ARHGEF26: variants seen among roughly 807,000 people sequenced by gnomAD.
The protein encoded by ARHGEF26 is Rho guanine nucleotide exchange factor 26.
A neutral mutation model predicts 89.4 loss-of-function variants in ARHGEF26; 59 were observed. The ratio of observed to expected loss-of-function variants is 0.66; its 90% CI spans 0.54 to 0.82. The LOEUF (loss-of-function observed/expected upper bound fraction) is 0.82, where lower values mean the gene tolerates loss of function less well. ARHGEF26 is among the 40% of genes least tolerant of loss of function. The pLI, the probability that ARHGEF26 is intolerant of heterozygous loss-of-function variation, is 0.00. For synonymous variants in ARHGEF26, 500 were observed against 428.4 expected (o/e 1.17, Z -2.06); for missense variants, 1,234 against 1,085.6 (o/e 1.14, Z -1.92).
chr3:154,238,727 G>T (rs1717270548), intron 11 of ARHGEF26, among the ~76,000 whole-genome samples: 1 of 152,084 alleles, frequency 6.6e-6, no homozygotes, highest in Non-Finnish European at 1.5e-5. Flanking sequence ...GTTATTTATT[G>T]AGCACTCTCA....
intron 4 of ARHGEF26, among the ~76,000 whole-genome samples, chr3:154,149,015 A>G (rs1398969176): frequency 2.6e-5 from 4 of 152,154 alleles, no homozygotes; most frequent in Non-Finnish European, 1.5e-5. Flanking sequence ...GACTAAAAGC[A>G]TGAGCCCTGG....
intron 5 of ARHGEF26, among the ~76,000 whole-genome samples, chr3:154,150,513 T>G (rs1719957994): frequency 6.6e-6 from 1 of 152,190 alleles, no homozygotes; most frequent in South Asian, 2.1e-4. Context: ...TTTCTGTTTT[T>G]TACACTCAAC....
At chr3:154,123,221 C>A in intron 2 of ARHGEF26, 146 bp downstream of exon 2, 1 of 1,226,836 alleles carries the variant, frequency 8.2e-7, no homozygotes, top group Non-Finnish European at 1.1e-6. Context: ...GTACATCCAG[C>A]TCTTGGCCAC....
intron 10 of ARHGEF26, among the ~76,000 whole-genome samples, chr3:154,222,065 G>C (rs942328981): frequency 1.3e-5 from 2 of 152,078 alleles, no homozygotes; most frequent in South Asian, 4.1e-4. Flanking sequence ...TCACTTTATA[G>C]ATGAAGAACC....
intron 13 of ARHGEF26, among the ~76,000 whole-genome samples, chr3:154,253,976 T>C (rs355750): frequency 0.7 from 106,625 of 152,128 alleles, 37,864 homozygotes; most frequent in South Asian, 0.77. Flanking sequence ...CTCGCTCTGG[T>C]GCTATCTCAG....
At chr3:154,225,049 T>C (rs1448583089) in intron 10 of ARHGEF26, among the ~76,000 whole-genome samples, 1 of 122,494 alleles carries the variant, frequency 8.2e-6, no homozygotes, top group Non-Finnish European at 1.8e-5. Flanking sequence ...TAAACATTTC[T>C]GGTAACTTAA....
intron 4 of ARHGEF26, among the ~76,000 whole-genome samples, chr3:154,146,462 C>T (rs2108085069): frequency 6.6e-6 from 1 of 152,156 alleles, no homozygotes; most frequent in East Asian, 1.9e-4. Context: ...GGGAGTTTAC[C>T]CTTTTACAAA....
intron 9 of ARHGEF26, among the ~76,000 whole-genome samples, chr3:154,199,660 T>C (rs546385846): frequency 6.6e-6 from 1 of 152,354 alleles, no homozygotes; most frequent in South Asian, 2.1e-4. Flanking sequence ...ATAGTGGTTG[T>C]ACTAATTTAC....
intron 6 of ARHGEF26, among the ~76,000 whole-genome samples, chr3:154,156,434 CAAAG>C (rs1156336343): frequency 2.6e-5 from 4 of 151,870 alleles, no homozygotes; most frequent in African/African-American, 4.8e-5. Context: ...AAAAGAAAAA[CAAAG>C]AAATATCTGT....
Position 154,255,988 on chromosome 3 carries a change from G to A in ARHGEF26, c.*515G>A. 1 of 985,690 alleles carries A rather than the reference G, an allele frequency of 1.0e-6. No homozygotes were observed. Among genetic ancestry groups the A allele is most frequent in the Non-Finnish European group, 1.2e-6 (1 of 829,994 alleles). The allele number at this position is 985,690 out of a possible 1,614,324, so 61.1% of individuals were successfully genotyped here. On this transcript the variant is annotated 3_prime_UTR_variant, in exon 15 of 15. Transcript: ENST00000465093. ...GTTAACTTCAAAAGGAACTGGTAGA[G>A]TTCAGAAGGTGAGCTGTTGTTTTTC... is the stretch of plus-strand genomic sequence containing the variant.
At chr3:154,174,601 A>G (rs1712683116) in intron 6 of ARHGEF26, among the ~76,000 whole-genome samples, 1 of 152,216 alleles carries the variant, frequency 6.6e-6, no homozygotes. Flanking sequence ...ATACAATTAT[A>G]TAACTTTCAG....
intron 12 of ARHGEF26, among the ~76,000 whole-genome samples, chr3:154,243,123 C>T (rs949788491): frequency 2.6e-5 from 4 of 152,126 alleles, no homozygotes; most frequent in African/African-American, 9.7e-5. Context: ...TGTGGGGAAA[C>T]TTCTCCTCAA....
chr3:154,213,629 T>C (rs1559903550), intron 9 of ARHGEF26, among the ~76,000 whole-genome samples: 1 of 152,124 alleles, frequency 6.6e-6, no homozygotes, highest in Non-Finnish European at 1.5e-5. Flanking sequence ...TTTTTTCTTT[T>C]CATTTTATGA....
intron 12 of ARHGEF26, among the ~76,000 whole-genome samples, chr3:154,243,303 C>T (rs1471730677): frequency 6.6e-6 from 1 of 152,070 alleles, no homozygotes; most frequent in East Asian, 1.9e-4. Flanking sequence ...GCTGGTTTTG[C>T]CTTGTGTTTT....
At chr3:154,210,607 A>G (rs182633421) in intron 9 of ARHGEF26, among the ~76,000 whole-genome samples, 1,669 of 151,472 alleles carry the variant, frequency 0.011, 21 homozygotes, top group African/African-American at 0.038. Flanking sequence ...GAGCCACTGC[A>G]CCTGGCCGCC....
intron 9 of ARHGEF26, among the ~76,000 whole-genome samples, chr3:154,203,498 C>G (rs376523448): frequency 3.3e-5 from 5 of 152,182 alleles, no homozygotes; most frequent in South Asian, 2.1e-4. Context: ...TTTGATTGTA[C>G]TAGCTAGGAT....
intron 8 of ARHGEF26, among the ~76,000 whole-genome samples, chr3:154,193,311 A>G (rs1286091520): frequency 1.3e-5 from 2 of 152,194 alleles, no homozygotes; most frequent in East Asian, 3.8e-4. Flanking sequence ...TTATGTGTGC[A>G]TGTGTGCTGG....
intron 10 of ARHGEF26, among the ~76,000 whole-genome samples, chr3:154,222,173 A>G (rs1716174944): frequency 6.6e-6 from 1 of 152,210 alleles, no homozygotes; most frequent in African/African-American, 2.4e-5. Flanking sequence ...CATTCTTAAC[A>G]ATGACTGTAT....
chr3:154,225,373 T>C (rs1716419066), intron 10 of ARHGEF26, among the ~76,000 whole-genome samples: 1 of 152,140 alleles, frequency 6.6e-6, no homozygotes, highest in Non-Finnish European at 1.5e-5. Flanking sequence ...TTTTTTCTCT[T>C]GAAAGAAACC....
Sources: gnomAD v4.1 joint callset for allele counts (sites outside exome capture counted in the v4.1 genomes callset) on GRCh38, gnomAD v4.1.1 for gene constraint, MANE v1.5 for transcripts, NCBI Gene and HGNC (gene_info 2026-07-23, HGNC 2026-07-21) for gene names.